Variants in IGSF3 observed in about 807,000 individuals in gnomAD.
The protein encoded by IGSF3 is glu-Trp-Ile EWI motif-containing protein 3.
IGSF3 carries 23 observed loss-of-function variants against 114.4 expected under a neutral mutation model. The observed-to-expected ratio is 0.20, with a 90% CI of 0.14 to 0.28. The LOEUF (loss-of-function observed/expected upper bound fraction) is 0.28. Ranked by LOEUF, IGSF3 falls within the 10% of genes least tolerant of loss-of-function variation. The pLI is 1.00. For missense variants in IGSF3, 1,172 were observed against 1,591.5 expected, an observed-to-expected ratio of 0.74 and a Z score of 4.48; for synonymous variants, 571 against 645.2, an observed-to-expected ratio of 0.88 and a Z score of 1.74.
Position 116,577,456 on chromosome 1 carries a change from C to T in IGSF3, c.3441G>A (p.Val1147=). Reference sequence around the variant, plus strand: ...TGCTGGAGTTCCGGCTCTTGAAACGCACCAGAAGGATGGTGATGATAAGAA... The same window carrying T: ...TGCTGGAGTTCCGGCTCTTGAAACGTACCAGAAGGATGGTGATGATAAGAA... ...FGILIITILL[V]RFKSRNSSKN... The change falls in exon 11 of 11, where the codon GTG becomes GTA. Residue 1147 remains valine (V), a synonymous_variant. Transcript: ENST00000369486. The surrounding 1 kb of genome is among the most constrained non-coding windows in gnomAD (Gnocchi z 5.7). The T allele has an allele frequency of 6.2e-7, 1 of 1,614,166 alleles. No homozygotes were observed.
intron 2 of IGSF3, among the ~76,000 whole-genome samples, chr1:116,659,674 G>A (rs1649030764): frequency 6.6e-6 from 1 of 152,070 alleles, no homozygotes; most frequent in South Asian, 2.1e-4. Flanking sequence ...GAGTGCAGTA[G>A]TGCAATTACA....
At position 116,661,458 on chromosome 1, in the gene IGSF3, C is replaced by T. The variant is rs1207139947; in HGVS notation, c.43+4826G>A. Among the ~76,000 whole-genome samples the T allele has an allele frequency of 6.6e-6, 1 of 152,192 alleles. No homozygotes were observed. The highest frequency in any genetic ancestry group is 1.5e-5 in the Non-Finnish European group (1 of 68,026). ...CTGGCACATAAGCACTCTATAAACA[C>T]TTTAATACTCACTGATAAAACCACA... is the stretch of plus-strand genomic sequence containing the variant. On this transcript the variant is annotated intron_variant, in intron 2 of 10. Transcript: ENST00000369486. The surrounding 1 kb of genome is among the most constrained non-coding windows in gnomAD (Gnocchi z 4.0).
Position 116,665,406 on chromosome 1 carries a change from G to A in IGSF3, c.43+878C>T, listed in dbSNP as rs1330931541. On this transcript the variant is annotated intron_variant, in intron 2 of 10. Transcript: ENST00000369486. The surrounding 1 kb of genome is among the most constrained non-coding windows in gnomAD (Gnocchi z 4.0). Reference sequence around the variant, plus strand: ...TGCTCATGTATGAGGTCTGAGATGGGGAAAGAGAATGGCACCAAATCCTGG... The same window carrying A: ...TGCTCATGTATGAGGTCTGAGATGGAGAAAGAGAATGGCACCAAATCCTGG... 1.3e-5 allele frequency among the ~76,000 whole-genome samples: 2 copies of A among 152,158 alleles called. No homozygotes were observed. Among genetic ancestry groups the A allele is most frequent in the African/African-American group, 2.4e-5 (1 of 41,422 alleles).
chr1:116,631,898 C>T (rs1028596062), intron 2 of IGSF3, among the ~76,000 whole-genome samples: 1 of 152,214 alleles, frequency 6.6e-6, no homozygotes, highest in Non-Finnish European at 1.5e-5. Flanking sequence ...TGCCAGAAAA[C>T]AGTTAATTCA....
At chr1:116,667,408 G>A (rs1307342057) in intron 1 of IGSF3, among the ~76,000 whole-genome samples, 1 of 152,152 alleles carries the variant, frequency 6.6e-6, no homozygotes, top group Non-Finnish European at 1.5e-5. Context: ...AGAAACCGGG[G>A]AAGAAGGGAG....
At chr1:116,601,231 G>A (rs1408169100) in intron 6 of IGSF3, among the ~76,000 whole-genome samples, 2 of 152,162 alleles carry the variant, frequency 1.3e-5, no homozygotes, top group Admixed American at 6.5e-5. Context: ...TGCAGAGAGA[G>A]GTTAGATAAA....
At position 116,600,358 on chromosome 1, in the gene IGSF3, C is replaced by G. The variant is rs1557864832; in HGVS notation, c.1625-13G>C. ...GCGAAGCCCATTTCTGGAGAGAAAG[C>G]AGAGAGATTCAACCAGAGGAGGCAT... is the stretch of plus-strand genomic sequence containing the variant. On this transcript the variant is annotated splice_polypyrimidine_tract_variant and intron_variant, in intron 6 of 10. Transcript: ENST00000369486. The surrounding 1 kb of genome is among the most constrained non-coding windows in gnomAD (Gnocchi z 5.5). 3 of 1,599,098 alleles carry G rather than the reference C, an allele frequency of 1.9e-6. No homozygotes were observed. Among genetic ancestry groups the G allele is most frequent in the African/African-American group, 1.3e-5 (1 of 74,768 alleles).
At chr1:116,622,112 G>C (rs1409767283) in intron 2 of IGSF3, among the ~76,000 whole-genome samples, 1 of 152,176 alleles carries the variant, frequency 6.6e-6, no homozygotes, top group African/African-American at 2.4e-5. Flanking sequence ...AAGTGTCAGA[G>C]GGATCGACCT....
Position 116,643,802 on chromosome 1 carries a change from G to T in IGSF3, c.43+22482C>A, listed in dbSNP as rs555261490. Reference sequence around the variant, plus strand: ...ATCATTGTTTCTATTCTACAGTGAGGATGCTGAAGTCCAGAAAGGTCAGGT... The same window carrying T: ...ATCATTGTTTCTATTCTACAGTGAGTATGCTGAAGTCCAGAAAGGTCAGGT... On this transcript the variant is annotated intron_variant, in intron 2 of 10. Transcript: ENST00000369486. Among the ~76,000 whole-genome samples the T allele has an allele frequency of 3.9e-5, 6 of 152,350 alleles. No individual in the cohort carries two copies. In the South Asian group the frequency reaches 1.2e-3, roughly 32 times the overall value.
At chr1:116,578,552 G>A (rs1571108370) in intron 10 of IGSF3, among the ~76,000 whole-genome samples, 1 of 152,084 alleles carries the variant, frequency 6.6e-6, no homozygotes, top group East Asian at 1.9e-4. Flanking sequence ...GTGAGCACGG[G>A]GTGATCAAGG....
chr1:116,626,575 G>A lies in IGSF3; in HGVS notation c.44-10118C>T, dbSNP rs532616090. ...CCCACCTGAATTTGTACAATCCCCA[G>A]CTTCTCTTATCCATGACCATTGAAA... is the stretch of plus-strand genomic sequence containing the variant. On this transcript the variant is annotated intron_variant, in intron 2 of 10. Coordinates refer to ENST00000369486, the MANE Select transcript of IGSF3 (RefSeq NM_001007237.3). 1.2e-4 allele frequency among the ~76,000 whole-genome samples: 18 copies of A among 151,830 alleles called. 1 individual carries two copies. The highest frequency in any genetic ancestry group is 4.2e-4 in the South Asian group (2 of 4,784).
Position 116,602,742 on chromosome 1 carries a change from G to A in IGSF3, c.1624+882C>T, listed in dbSNP as rs866666487. ...GGACATAAAGTTGCTGAGGACAACC[G>A]ATGTCTCCTGATAAACAGGAAGACC... On this transcript the variant is annotated intron_variant, in intron 6 of 10. Coordinates refer to ENST00000369486, the MANE Select transcript of IGSF3 (RefSeq NM_001007237.3). 3.3e-4 allele frequency among the ~76,000 whole-genome samples: 51 copies of A among 152,326 alleles called. 1 individual carries two copies. The highest frequency in any genetic ancestry group is 6.8e-3 in the Middle Eastern group (2 of 294).
At position 116,600,615 on chromosome 1, in the gene IGSF3, C is replaced by T; in HGVS notation, c.1625-270G>A. 6.6e-6 allele frequency among the ~76,000 whole-genome samples: 1 copy of T among 152,142 alleles called. No homozygotes were observed. The highest frequency in any genetic ancestry group is 2.4e-5 in the African/African-American group (1 of 41,418). ...TGAGATCCTCGTGCATTTGCTCCTC[C>T]CCTGGAATTAGACATCACAATCCTC... On this transcript the variant is annotated intron_variant, in intron 6 of 10. Transcript: ENST00000369486. The surrounding 1 kb of genome is among the most constrained non-coding windows in gnomAD (Gnocchi z 5.5).
chr1:116,621,410 G>A (rs139633664), intron 2 of IGSF3, among the ~76,000 whole-genome samples: 2,830 of 152,210 alleles, frequency 0.019, 87 homozygotes, highest in African/African-American at 0.065. Context: ...AATCCTCCTG[G>A]CTTTGCTTCC....
chr1:116,610,997 C>T lies in IGSF3; in HGVS notation c.833-2666G>A, dbSNP rs2101480806. Among the ~76,000 whole-genome samples, 1 of 152,360 alleles carries T rather than the reference C, an allele frequency of 6.6e-6. No individual in the cohort carries two copies. The highest frequency in any genetic ancestry group is 2.1e-4 in the South Asian group (1 of 4,832). ...CCACAGTTCAAGGAACCCCCAGAGC[C>T]CCAGTCCTAGCCCCTGGACTTCTAG... On this transcript the variant is annotated intron_variant, in intron 4 of 10. Transcript: ENST00000369486. This position sits in a 1 kb window ranked among gnomAD's most constrained non-coding sequence, Gnocchi z 4.3.
At position 116,642,467 on chromosome 1, in the gene IGSF3, G is replaced by A. The variant is rs1016620410; in HGVS notation, c.43+23817C>T. Among the ~76,000 whole-genome samples, 5 of 152,250 alleles carry A rather than the reference G, an allele frequency of 3.3e-5. No homozygotes were observed. The highest frequency in any genetic ancestry group is 9.6e-5 in the African/African-American group (4 of 41,548). ...GGAAGGGGCTCAGGCACTGGGAGTC[G>A]GTCAGGGCTCCCAGAATGTAAAAGA... On this transcript the variant is annotated intron_variant, in intron 2 of 10. Transcript: ENST00000369486. The surrounding 1 kb of genome is among the most constrained non-coding windows in gnomAD (Gnocchi z 5.4).
intron 2 of IGSF3, among the ~76,000 whole-genome samples, chr1:116,658,300 A>C (rs1218036546): frequency 6.6e-6 from 1 of 152,108 alleles, no homozygotes; most frequent in Non-Finnish European, 1.5e-5. Flanking sequence ...TCGGCCTCCC[A>C]AAGTGCTGGA....
intron 2 of IGSF3, among the ~76,000 whole-genome samples, chr1:116,635,946 T>C (rs1308320265): frequency 6.6e-6 from 1 of 152,232 alleles, no homozygotes; most frequent in Non-Finnish European, 1.5e-5. Flanking sequence ...AGTCAAATCC[T>C]TAACTCATCT....
At chr1:116,663,491 G>A (rs112120583) in intron 2 of IGSF3, among the ~76,000 whole-genome samples, 1,941 of 151,974 alleles carry the variant, frequency 0.013, 49 homozygotes, top group African/African-American at 0.045. Flanking sequence ...ACCAAGGGTT[G>A]TGGTGGCAGA....
Sources: gnomAD v4.1 joint callset for allele counts (sites outside exome capture counted in the v4.1 genomes callset) on GRCh38, gnomAD v4.1.1 for gene constraint, Gnocchi (gnomAD v3.1) non-coding constraint, MANE v1.5 for transcripts, NCBI Gene and HGNC (gene_info 2026-07-23, HGNC 2026-07-21) for gene names.